Variants in AJAP1 observed in about 807,000 individuals in gnomAD.
AJAP1 encodes adherens junction-associated protein 1.
Under a neutral mutation model 35.0 loss-of-function variants are expected in AJAP1, and 5 were observed. That is an observed-to-expected ratio of 0.14 (90% CI 0.07 to 0.30). The LOEUF (loss-of-function observed/expected upper bound fraction) is 0.30. Among genes scored for constraint, AJAP1 ranks in the 10% least tolerant of loss-of-function variants. The pLI is 1.00. For synonymous variants in AJAP1, 284 were observed against 249.3 expected (o/e 1.14, Z -1.31); for missense variants, 586 against 571.0 (o/e 1.03, Z -0.27).
intron 1 of AJAP1, among the ~76,000 whole-genome samples, chr1:4,703,394 G>A (rs72638823): frequency 0.057 from 8,716 of 152,044 alleles, 342 homozygotes; most frequent in Middle Eastern, 0.085. Context: ...GTGGTGACTC[G>A]GGGGGACACA....
intron 2 of AJAP1, among the ~76,000 whole-genome samples, chr1:4,732,588 G>A (rs1200156645): frequency 2.0e-5 from 3 of 152,262 alleles, no homozygotes; most frequent in Non-Finnish European, 4.4e-5. Context: ...TCTCAGTGCT[G>A]TAACTTACTG....
chr1:4,714,094 C>T (rs1640333540), intron 2 of AJAP1, among the ~76,000 whole-genome samples: 1 of 152,170 alleles, frequency 6.6e-6, no homozygotes, highest in African/African-American at 2.4e-5. Flanking sequence ...TTCACCTGGA[C>T]AAGAGAACCT....
Position 4,719,825 on chromosome 1 carries a change from C to T in AJAP1, c.829+7126C>T, listed in dbSNP as rs75762666. On this transcript the variant is annotated intron_variant, in intron 2 of 5. Transcript: ENST00000378191. ...GTGAAAGAAGAATGCTGGAGAGGTG[C>T]GCCCCTTCCCTCCCTGCCGGTGTCC... Among the ~76,000 whole-genome samples the T allele has an allele frequency of 4.2e-3, 635 of 152,272 alleles. 13 individuals carry two copies. The highest frequency in any genetic ancestry group is 0.041 in the East Asian group (211 of 5,166).
intron 1 of AJAP1, among the ~76,000 whole-genome samples, chr1:4,691,501 G>A (rs1390488264): frequency 6.6e-6 from 1 of 152,260 alleles, no homozygotes; most frequent in Non-Finnish European, 1.5e-5. Context: ...CTCGGGAATT[G>A]TGCTAGGCCC....
chr1:4,689,229 G>A (rs924022985), intron 1 of AJAP1, among the ~76,000 whole-genome samples: 9 of 152,182 alleles, frequency 5.9e-5, no homozygotes, highest in African/African-American at 1.7e-4. Flanking sequence ...GACAATTACC[G>A]ATAAATCAGA....
intron 1 of AJAP1, among the ~76,000 whole-genome samples, chr1:4,674,838 T>G (rs903262166): frequency 6.6e-6 from 1 of 152,264 alleles, no homozygotes; most frequent in Non-Finnish European, 1.5e-5. Flanking sequence ...ACGAAAGCCT[T>G]GCTTCATCTG....
At chr1:4,744,085 C>CT (rs1198296543) in intron 2 of AJAP1, among the ~76,000 whole-genome samples, 4 of 152,310 alleles carry the variant, frequency 2.6e-5, no homozygotes, top group East Asian at 3.9e-4. Context: ...CCAGGGACGT[C>CT]TGAGTGTGTA....
chr1:4,714,396 A>G (rs949470882), intron 2 of AJAP1, among the ~76,000 whole-genome samples: 3 of 152,222 alleles, frequency 2.0e-5, no homozygotes, highest in Non-Finnish European at 2.9e-5. Flanking sequence ...TAAACTCAGC[A>G]GCCATCATCA....
intron 1 of AJAP1, among the ~76,000 whole-genome samples, chr1:4,706,592 C>G (rs76980558): frequency 1.3e-5 from 2 of 152,018 alleles, no homozygotes; most frequent in African/African-American, 4.8e-5. Context: ...TGGGCTGTTC[C>G]CCGGTGGAAC....
chr1:4,690,190 G>T (rs1217577178), intron 1 of AJAP1, among the ~76,000 whole-genome samples: 1 of 152,170 alleles, frequency 6.6e-6, no homozygotes, highest in Non-Finnish European at 1.5e-5. Flanking sequence ...CCGAGGAGGG[G>T]ATGCGCCCAT....
intron 1 of AJAP1, among the ~76,000 whole-genome samples, chr1:4,698,593 C>T (rs1464704185): frequency 6.6e-6 from 1 of 152,182 alleles, no homozygotes; most frequent in African/African-American, 2.4e-5. Context: ...CCCTCTCCCA[C>T]CCTCAGTCAA....
At chr1:4,772,167 A>AATGATGC in intron 3 of AJAP1, 113 bp from the exon 4 acceptor site, 2 of 1,350,728 alleles carry the variant, frequency 1.5e-6, no homozygotes, top group Non-Finnish European at 2.0e-6. Flanking sequence ...TTTAATATGA[A>AATGATGC]ATGATGCGTA....
chr1:4,782,674 G>A lies in AJAP1; in HGVS notation c.*189G>A, dbSNP rs1642088154. The stretch of plus-strand genomic sequence containing the variant: ...TCTGTTTGCCGGTGGGAAACTCACA[G>A]AGCAGGACGCTCTAGGCCAAATCTA... On this transcript the variant is annotated 3_prime_UTR_variant, in exon 6 of 6. Transcript: ENST00000378191. This position sits in a 1 kb window ranked among gnomAD's most constrained non-coding sequence, Gnocchi z 5.3. The A allele has an allele frequency of 2.5e-6, 1 of 398,462 alleles. No individual in the cohort carries two copies. 24.7% of individuals were successfully genotyped at this position (398,462 alleles called of 1,614,324 possible). A position where few individuals can be genotyped will look rare whatever the true frequency, so the allele number is the denominator to read the frequency against.
intron 1 of AJAP1, chr1:4,711,150 T>A (rs1640223277): frequency 6.6e-6 from 1 of 152,286 alleles, no homozygotes; most frequent in Non-Finnish European, 1.5e-5. Context: ...CCGGAGCAGA[T>A]CTCATTTCCC....
rs548791920 is a variant in AJAP1, at chr1:4,656,486, G to A, written c.29+1032G>A. 6.4e-4 allele frequency among the ~76,000 whole-genome samples: 98 copies of A among 152,330 alleles called. No homozygotes were observed. Among genetic ancestry groups the A allele is most frequent in the Non-Finnish European group, 7.8e-4 (53 of 68,038 alleles). On this transcript the variant is annotated intron_variant, in intron 1 of 5. Transcript: ENST00000378191. The surrounding 1 kb of genome is among the most constrained non-coding windows in gnomAD (Gnocchi z 5.7). ...CCACTGGGATGCACTGCGCTCCCGCGTTGGGGACGAAAAGGCCAGTAGTTG... is the reference window on the plus strand; with the variant it reads ...CCACTGGGATGCACTGCGCTCCCGCATTGGGGACGAAAAGGCCAGTAGTTG...
chr1:4,768,828 TC>T (rs953906243), intron 2 of AJAP1, among the ~76,000 whole-genome samples: 33 of 152,262 alleles, frequency 2.2e-4, no homozygotes, highest in Non-Finnish European at 4.3e-4. Flanking sequence ...GTCCCCAGCA[TC>T]CAGGTCCCAG....
chr1:4,672,119 GTAT>G (rs2100517286), intron 1 of AJAP1, among the ~76,000 whole-genome samples: 1 of 152,308 alleles, frequency 6.6e-6, no homozygotes, highest in African/African-American at 2.4e-5. Flanking sequence ...CCCGGGGTGT[GTAT>G]TATTATCTGG....
At chr1:4,728,792 G>T (rs1640731182) in intron 2 of AJAP1, among the ~76,000 whole-genome samples, 1 of 152,322 alleles carries the variant, frequency 6.6e-6, no homozygotes, top group Admixed American at 6.5e-5. Context: ...TTTTTGGGTG[G>T]TCAGGTTTTC....
Position 4,789,021 on chromosome 1 carries a change from A to G in AJAP1, c.*6536A>G, listed in dbSNP as rs1401419991. The stretch of plus-strand genomic sequence containing the variant: ...TTTTCCTCGTGAAGGATTCCCTGCT[A>G]AATGTTCTAAGAGTTACTGTACATA... On this transcript the variant is annotated 3_prime_UTR_variant, in exon 6 of 6. Coordinates refer to ENST00000378191, the MANE Select transcript of AJAP1 (RefSeq NM_018836.4). This position sits in a 1 kb window ranked among gnomAD's most constrained non-coding sequence, Gnocchi z 4.4. The G allele has an allele frequency of 6.6e-6, 1 of 152,232 alleles. No homozygotes were observed. Among genetic ancestry groups the G allele is most frequent in the Non-Finnish European group, 1.5e-5 (1 of 68,060 alleles). The allele number at this position is 152,232 out of a possible 1,614,324, so 9.4% of individuals were successfully genotyped here.
Sources: gnomAD v4.1 joint callset for allele counts (sites outside exome capture counted in the v4.1 genomes callset) on GRCh38, gnomAD v4.1.1 for gene constraint, Gnocchi (gnomAD v3.1) non-coding constraint, MANE v1.5 for transcripts, NCBI Gene and HGNC (gene_info 2026-07-23, HGNC 2026-07-21) for gene names.